ARHGAP5: variants seen among roughly 807,000 people sequenced by gnomAD.
ARHGAP5 encodes the protein Rho GTPase activating protein 5.
In ARHGAP5, 23 loss-of-function variants were observed where a neutral mutation model predicts 116.6. The ratio of observed to expected loss-of-function variants is 0.20; its 90% CI spans 0.14 to 0.28. The LOEUF is 0.28. Among genes scored for constraint, ARHGAP5 ranks in the 10% least tolerant of loss-of-function variants. ARHGAP5 has a pLI of 1.00. For missense variants in ARHGAP5, 1,405 were observed against 1,774.8 expected (o/e 0.79, Z 3.74); for synonymous variants, 574 against 602.0 (o/e 0.95, Z 0.68).
At chr14:32,082,214 G>T (rs1054361728) in intron 1 of ARHGAP5, among the ~76,000 whole-genome samples, 2 of 152,170 alleles carry the variant, frequency 1.3e-5, no homozygotes, top group African/African-American at 4.8e-5. Context: ...TTAAGATCTA[G>T]ATTTCTACTC....
Position 32,094,308 on chromosome 14 carries a change from T to C in ARHGAP5, c.3639T>C (p.Asn1213=). The change falls in exon 2 of 7, where the codon AAT becomes AAC. Residue 1213 remains asparagine (N), a synonymous_variant. Transcript: ENST00000345122. ...AAACTTGGAAAGGTGGTATTGATAA[T>C]CCTGCAATCACTTCTGACCAGGAGT... ...PVETWKGGID[N]PAITSDQELD... 1 of 1,613,274 alleles carries C rather than the reference T, an allele frequency of 6.2e-7. No homozygotes were observed. Among genetic ancestry groups the C allele is most frequent in the Non-Finnish European group, 8.5e-7 (1 of 1,179,766 alleles).
At chr14:32,119,954 T>G (rs912182194) in intron 3 of ARHGAP5, among the ~76,000 whole-genome samples, 6 of 152,114 alleles carry the variant, frequency 3.9e-5, no homozygotes, top group African/African-American at 7.2e-5. Flanking sequence ...AGTGTCTTTG[T>G]TTGGTTGGTA....
At chr14:32,132,042 C>T (rs1447183822) in intron 3 of ARHGAP5, among the ~76,000 whole-genome samples, 1 of 152,170 alleles carries the variant, frequency 6.6e-6, no homozygotes, top group South Asian at 2.1e-4. Flanking sequence ...CCGCAATAAA[C>T]ATACAGGTGC....
At chr14:32,088,816 A>G (rs2139009752) in intron 1 of ARHGAP5, among the ~76,000 whole-genome samples, 1 of 152,108 alleles carries the variant, frequency 6.6e-6, no homozygotes, top group Non-Finnish European at 1.5e-5. Flanking sequence ...TGGAACTAAT[A>G]TTTATTAAGC....
At chr14:32,143,895 T>C (rs183115807) in intron 3 of ARHGAP5, among the ~76,000 whole-genome samples, 12 of 152,350 alleles carry the variant, frequency 7.9e-5, no homozygotes, top group Middle Eastern at 3.4e-3. Context: ...GTCCTTTGCA[T>C]TCTAGGATGT....
At chr14:32,152,098 G>A (rs553121781) in intron 5 of ARHGAP5, among the ~76,000 whole-genome samples, 1 of 152,154 alleles carries the variant, frequency 6.6e-6, no homozygotes, top group Non-Finnish European at 1.5e-5. Flanking sequence ...TCTCCTAGGA[G>A]TGGGAACCCT....
At chr14:32,116,177 C>T (rs1879569649) in intron 2 of ARHGAP5, among the ~76,000 whole-genome samples, 1 of 151,092 alleles carries the variant, frequency 6.6e-6, no homozygotes, top group Admixed American at 6.6e-5. Context: ...GTCCCAGCTA[C>T]TCCGGAGGCT....
intron 4 of ARHGAP5, among the ~76,000 whole-genome samples, chr14:32,149,419 A>C (rs1184818102): frequency 6.6e-6 from 1 of 152,092 alleles, no homozygotes; most frequent in Non-Finnish European, 1.5e-5. Flanking sequence ...TTATTATAAC[A>C]GAAAAGGCTT....
intron 1 of ARHGAP5, 50 bp from the exon 2 acceptor site, chr14:32,090,452 G>T (rs1878187926): frequency 2.0e-6 from 1 of 497,056 alleles, no homozygotes; most frequent in Admixed American, 3.7e-5. Flanking sequence ...TTGTAATTCA[G>T]TGTATGTAAT....
At chr14:32,130,392 T>G (rs1880417494) in intron 3 of ARHGAP5, among the ~76,000 whole-genome samples, 1 of 151,080 alleles carries the variant, frequency 6.6e-6, no homozygotes, top group Non-Finnish European at 1.5e-5. Flanking sequence ...TTTGGGTTTT[T>G]TTTTTTTTTT....
chr14:32,105,141 A>G (rs886575158), intron 2 of ARHGAP5, among the ~76,000 whole-genome samples: 8 of 152,192 alleles, frequency 5.3e-5, no homozygotes, highest in Non-Finnish European at 1.2e-4. Flanking sequence ...ATGTCTATGC[A>G]GTTCTAGAAG....
At chr14:32,089,775 G>A (rs972916465) in intron 1 of ARHGAP5, among the ~76,000 whole-genome samples, 1 of 151,732 alleles carries the variant, frequency 6.6e-6, no homozygotes, top group Non-Finnish European at 1.5e-5. Context: ...TCAAGGCTTC[G>A]ATGTAAAAAT....
In ARHGAP5 at chr14:32,157,026, G is replaced by A. The variant is rs912168540; in HGVS notation, c.*2078G>A. Reference sequence around the variant, plus strand: ...TTCATCTGCGTTTAGTACCATTTTTGTTATTAAAACTGGCATTTACCGTTT... The same window carrying A: ...TTCATCTGCGTTTAGTACCATTTTTATTATTAAAACTGGCATTTACCGTTT... On this transcript the variant is annotated 3_prime_UTR_variant, in exon 7 of 7. Transcript: ENST00000345122. The A allele has an allele frequency of 3.9e-5, 6 of 152,146 alleles. No individual in the cohort carries two copies. The highest frequency in any genetic ancestry group is 1.2e-4 in the African/African-American group (5 of 41,378). The allele number at this position is 152,146 out of a possible 1,614,324, so 9.4% of individuals were successfully genotyped here.
intron 2 of ARHGAP5, among the ~76,000 whole-genome samples, chr14:32,097,010 A>G (rs1404359399): frequency 6.6e-6 from 1 of 152,206 alleles, no homozygotes; most frequent in East Asian, 1.9e-4. Flanking sequence ...ATTGATGGCA[A>G]AACCTGACTT....
intron 3 of ARHGAP5, among the ~76,000 whole-genome samples, chr14:32,121,469 G>T (rs1030770756): frequency 1.3e-5 from 2 of 151,906 alleles, no homozygotes; most frequent in African/African-American, 4.8e-5. Flanking sequence ...CTCATGCCTT[G>T]TTCTGTTGTT....
intron 4 of ARHGAP5, among the ~76,000 whole-genome samples, chr14:32,149,011 C>G (rs921300417): frequency 2.0e-5 from 3 of 152,050 alleles, no homozygotes; most frequent in Non-Finnish European, 4.4e-5. Context: ...ACCCCTTATT[C>G]AAAATTCTTG....
intron 3 of ARHGAP5, among the ~76,000 whole-genome samples, chr14:32,129,355 T>A (rs982163015): frequency 1.3e-5 from 2 of 152,236 alleles, no homozygotes; most frequent in African/African-American, 4.8e-5. Context: ...CCAGAATTTT[T>A]ATTTGCATGT....
At chr14:32,108,726 A>G (rs1253721607) in intron 2 of ARHGAP5, among the ~76,000 whole-genome samples, 1 of 152,156 alleles carries the variant, frequency 6.6e-6, no homozygotes, top group South Asian at 2.1e-4. Flanking sequence ...AAGTCATTGG[A>G]GTAAAATATG....
intron 4 of ARHGAP5, 54 bp downstream of exon 4, chr14:32,146,394 G>T: frequency 7.8e-7 from 1 of 1,279,718 alleles, no homozygotes; most frequent in South Asian, 1.2e-5. Flanking sequence ...TTCCTTGTTA[G>T]AATTCATGGT....
Sources: gnomAD v4.1 joint callset for allele counts (sites outside exome capture counted in the v4.1 genomes callset) on GRCh38, gnomAD v4.1.1 for gene constraint, MANE v1.5 for transcripts, NCBI Gene and HGNC (gene_info 2026-07-23, HGNC 2026-07-21) for gene names.